The following TRMO variants were observed in gnomAD, a reference collection of about 807,000 sequenced individuals.
TRMO encodes tRNA (adenine(37)-N6)-methyltransferase.
In TRMO, 30 loss-of-function variants were observed where a neutral mutation model predicts 37.2. The ratio of observed to expected loss-of-function variants is 0.81; its 90% CI spans 0.60 to 1.09. TRMO has a LOEUF of 1.09. Ranked by LOEUF, TRMO falls within the 50% of genes least tolerant of loss-of-function variation. TRMO has a pLI of 0.00. For synonymous variants in TRMO, 239 were observed against 199.4 expected (o/e 1.20, Z -1.67); for missense variants, 552 against 549.5 (o/e 1.00, Z -0.05).
chr9:97,913,659 T>G, intron 2 of TRMO, 101 bp from the exon 3 acceptor site: 1 of 759,002 alleles, frequency 1.3e-6, no homozygotes, highest in African/African-American at 1.7e-5. Flanking sequence ...TCCCACAAAT[T>G]AACAGAAATC....
chr9:97,913,614 T>A, intron 2 of TRMO, 56 bp from the exon 3 acceptor site: 1 of 1,212,334 alleles, frequency 8.2e-7, no homozygotes. Context: ...CAAGTTATTT[T>A]ACCACAATGA....
rs761741899 is a variant in TRMO at position 97,910,097 on chromosome 9, G to A, written c.929C>T (p.Pro310Leu). 4.3e-6 allele frequency: 7 copies of A among 1,613,870 alleles called. No homozygotes were observed. The African/African-American group carries it at 8.0e-5, about 18-fold the overall frequency. ...GSRAETQPMA[P>L]HCPAGRADGA... ...ATCAGCCCTTCCAGCAGGGCAGTGAGGGGCCATGGGCTGTGTCTCTGCCCT... is the reference window on the plus strand; with the variant it reads ...ATCAGCCCTTCCAGCAGGGCAGTGAAGGGCCATGGGCTGTGTCTCTGCCCT... Residue 310 changes from proline (P) to leucine (L), a missense_variant, in exon 4 of 5, where the codon CCT becomes CTT. Coordinates refer to ENST00000375119, the MANE Select transcript of TRMO (RefSeq NM_016481.5).
chr9:97,913,038 T>C, intron 3 of TRMO: 1 of 691,122 alleles, frequency 1.4e-6, no homozygotes, highest in South Asian at 1.5e-5. Flanking sequence ...GTACAATGAG[T>C]TATTGTGTGT....
At chr9:97,913,035 G>A in intron 3 of TRMO, 1 of 714,846 alleles carries the variant, frequency 1.4e-6, no homozygotes, top group Non-Finnish European at 2.2e-6. Context: ...CATGTACAAT[G>A]AGTTATTGTG....
chr9:97,898,453 C>T, the TRMO span, among the ~76,000 whole-genome samples: 2 of 152,060 alleles, frequency 1.3e-5, no homozygotes, highest in South Asian at 4.1e-4. Flanking sequence ...TACCTCAGCC[C>T]CCCACCCCAC....
At chr9:97,912,694 C>T in intron 3 of TRMO, 1 of 313,646 alleles carries the variant, frequency 3.2e-6, no homozygotes, top group South Asian at 2.5e-5. Flanking sequence ...CTCCTTTGCC[C>T]ACTTCACAAC....
intron 4 of TRMO, among the ~76,000 whole-genome samples, chr9:97,909,550 ACAGT>A (rs1265391819): frequency 1.3e-5 from 2 of 152,164 alleles, no homozygotes; most frequent in Non-Finnish European, 2.9e-5. Flanking sequence ...CGACTACCTG[ACAGT>A]CAGAATACAA....
intron 1 of TRMO, among the ~76,000 whole-genome samples, chr9:97,919,064 T>C (rs771440034): frequency 6.6e-6 from 1 of 152,246 alleles, no homozygotes. Flanking sequence ...CTGTATGTTT[T>C]TGACAACTTT....
At chr9:97,901,391 T>C (rs547068189), downstream of TRMO, among the ~76,000 whole-genome samples, 1 of 152,330 alleles carries the variant, frequency 6.6e-6, no homozygotes, top group East Asian at 1.9e-4. Flanking sequence ...TTCCTCTTGA[T>C]GTACTCACCT....
At chr9:97,921,487 G>C (rs987497380) in intron 1 of TRMO, among the ~76,000 whole-genome samples, 3 of 150,798 alleles carry the variant, frequency 2.0e-5, no homozygotes, top group African/African-American at 7.3e-5. Context: ...GCAGTGGCGC[G>C]ATCTCGGCTC....
intron 4 of TRMO, among the ~76,000 whole-genome samples, chr9:97,907,087 C>A (rs1193759821): frequency 6.6e-6 from 1 of 151,994 alleles, no homozygotes; most frequent in Non-Finnish European, 1.5e-5. Flanking sequence ...ATTTTAAAAT[C>A]AAAAGCTTTG....
At position 97,904,801 on chromosome 9, in the gene TRMO, T is replaced by C. The variant is rs1825786934; in HGVS notation, c.1258A>G (p.Ile420Val). ...TGAACAGGCTCAGAAGCCGGCTTGA[T>C]CCTCAGCACCTCTGCAAAGCCATCA... The part of the protein sequence containing the change: ...FGDGFAEVLR[I>V]KPASEPVHMT... Residue 420 changes from isoleucine to valine, a missense_variant, in exon 5 of 5, where the codon ATC becomes GTC. Transcript: ENST00000375119. The C allele has an allele frequency of 6.2e-7, 1 of 1,614,038 alleles. No individual in the cohort carries two copies. Among genetic ancestry groups the C allele is most frequent in the Non-Finnish European group, 8.5e-7 (1 of 1,180,034 alleles).
chr9:97,910,649 G>A, intron 3 of TRMO, 33 bp from the exon 4 acceptor site: 1 of 1,603,224 alleles, frequency 6.2e-7, no homozygotes, highest in Non-Finnish European at 8.5e-7. Flanking sequence ...ATGAAGAACA[G>A]TGCAAACACT....
chr9:97,912,976 C>A (rs1024187332), intron 3 of TRMO: 1 of 1,290,326 alleles, frequency 7.7e-7, no homozygotes, highest in African/African-American at 1.5e-5. Context: ...TTCCCCAAGG[C>A]TGCAAGGAAG....
At chr9:97,900,463 T>C (rs1277598630), downstream of TRMO, among the ~76,000 whole-genome samples, 2 of 152,244 alleles carry the variant, frequency 1.3e-5, no homozygotes, top group Non-Finnish European at 2.9e-5. Context: ...TATTCCCCTG[T>C]GCATTCTTCA....
At chr9:97,901,070 T>C (rs941541791), downstream of TRMO, among the ~76,000 whole-genome samples, 1 of 152,242 alleles carries the variant, frequency 6.6e-6, no homozygotes, top group Non-Finnish European at 1.5e-5. Flanking sequence ...TACAAGTTAC[T>C]GTTCTTTAAA....
At position 97,910,056 on chromosome 9, in the gene TRMO, C is replaced by G; in HGVS notation, c.970G>C (p.Val324Leu). ...AGRADGAPRS[V>L]VPAWVTEAPV... ...GCCTCTGTCACCCAGGCAGGAACCA[C>G]GCTGCGGGGAGCTCCATCAGCCCTT... The change falls in exon 4 of 5, where the codon GTG (valine) becomes CTG (leucine). Residue 324 changes from valine (V) to leucine (L), a missense_variant. Coordinates refer to ENST00000375119, the MANE Select transcript of TRMO (RefSeq NM_016481.5). The G allele has an allele frequency of 6.2e-7, 1 of 1,612,578 alleles. No individual in the cohort carries two copies. Among genetic ancestry groups the G allele is most frequent in the Non-Finnish European group, 8.5e-7 (1 of 1,178,912 alleles).
At position 97,910,313 on chromosome 9, in the gene TRMO, G is replaced by T. The variant is rs1175228166; in HGVS notation, c.713C>A (p.Ala238Asp). 2.5e-6 allele frequency: 4 copies of T among 1,614,140 alleles called. No homozygotes were observed. The highest frequency in any genetic ancestry group is 3.4e-6 in the Non-Finnish European group (4 of 1,180,028). The change falls in exon 4 of 5, where the codon GCC (alanine) becomes GAC (aspartate). Residue 238 changes from alanine to aspartate, a missense_variant. Coordinates refer to ENST00000375119, the MANE Select transcript of TRMO (RefSeq NM_016481.5). ...EENYLTHSDT[A>D]RIQQAFPMHR... ...CATAGGAAATGCTTGCTGAATTCTGGCTGTGTCACTGTGTGTCAGGTAGTT... is the reference window on the plus strand; with the variant it reads ...CATAGGAAATGCTTGCTGAATTCTGTCTGTGTCACTGTGTGTCAGGTAGTT...
At position 97,904,992 on chromosome 9, in the gene TRMO, T is replaced by G. The variant is rs776198189; in HGVS notation, c.1067A>C (p.Asp356Ala). 3 of 1,610,870 alleles carry G rather than the reference T, an allele frequency of 1.9e-6. No homozygotes were observed. The highest frequency in any genetic ancestry group is 2.5e-6 in the Non-Finnish European group (3 of 1,177,536). The change falls in exon 5 of 5, where the codon GAT becomes GCT. Residue 356 changes from aspartate (D) to alanine (A), a missense_variant and splice_region_variant. By Grantham distance (126) the Asp-to-Ala change is moderately radical. Coordinates refer to ENST00000375119, the MANE Select transcript of TRMO (RefSeq NM_016481.5). ...ATATTTAAATGACGCCTGACCAACA[T>G]CTGCAATGAAAAAAACACAACTTAA... ...EMDLGQLSSQ[D>A]VGQASFKYFQ...
Sources: gnomAD v4.1 joint callset for allele counts (sites outside exome capture counted in the v4.1 genomes callset) on GRCh38, gnomAD v4.1.1 for gene constraint, MANE v1.5 for transcripts, NCBI Gene and HGNC (gene_info 2026-07-23, HGNC 2026-07-21) for gene names.